The following HSD17B12 variants were observed in gnomAD, a reference collection of about 807,000 sequenced individuals.
HSD17B12 encodes the protein very-long-chain 3-oxoacyl-CoA reductase.
A neutral mutation model predicts 39.3 loss-of-function variants in HSD17B12; 32 were observed. That is an observed-to-expected ratio of 0.81 (90% confidence interval 0.61 to 1.09). HSD17B12 has a LOEUF of 1.09. Among genes scored for constraint, HSD17B12 ranks in the 50% least tolerant of loss-of-function variants. The probability of loss-of-function intolerance (pLI) is 0.00; values close to 1 mark genes in which losing one functional copy is unlikely to be tolerated. For synonymous variants in HSD17B12, 150 were observed against 146.7 expected, an observed-to-expected ratio of 1.02 and a Z score of -0.16; for missense variants, 342 against 382.9, an observed-to-expected ratio of 0.89 and a Z score of 0.89.
Position 43,831,066 on chromosome 11 carries a change from A to T in HSD17B12, c.536+56A>T. The T allele has an allele frequency of 6.7e-7, 1 of 1,494,064 alleles. No homozygotes were observed. Among genetic ancestry groups the T allele is most frequent in the Non-Finnish European group, 9.2e-7 (1 of 1,091,950 alleles). The allele number at this position is 1,494,064 out of a possible 1,614,324, so 92.6% of individuals were successfully genotyped here. A position where few individuals can be genotyped will look rare whatever the true frequency, so the allele number is the denominator to read the frequency against. ...GGAAGCAGAGCTCATGATTATTTAG[A>T]GGGAGAATCCTTGCTTTGAAAAAAT... On this transcript the variant is annotated intron_variant, in intron 7 of 10. Transcript: ENST00000278353. The surrounding 1 kb of genome is among the most constrained non-coding windows in gnomAD (Gnocchi z 4.1).
the HSD17B12 span, among the ~76,000 whole-genome samples, chr11:43,572,815 G>T: frequency 1.3e-5 from 2 of 152,188 alleles, no homozygotes; most frequent in African/African-American, 4.8e-5. Context: ...GGCCAAAATA[G>T]TTCTGCTCCC....
the HSD17B12 span, among the ~76,000 whole-genome samples, chr11:43,604,678 A>G: frequency 1.3e-5 from 2 of 152,204 alleles, no homozygotes; most frequent in African/African-American, 4.8e-5. Context: ...GATTCCACAC[A>G]AGTCCCTTGG....
the HSD17B12 span, among the ~76,000 whole-genome samples, chr11:43,582,168 G>A: frequency 6.6e-6 from 1 of 152,180 alleles, no homozygotes; most frequent in Non-Finnish European, 1.5e-5. Context: ...TCAAAACTAA[G>A]TAGCACGGAA....
intron 4 of HSD17B12, among the ~76,000 whole-genome samples, chr11:43,812,405 C>T (rs1028663833): frequency 2.6e-5 from 4 of 152,186 alleles, no homozygotes. Flanking sequence ...TTTTTAATAA[C>T]AGCTACTCTA....
At chr11:43,684,211 T>G (rs561486884) in intron 1 of HSD17B12, among the ~76,000 whole-genome samples, 11 of 152,342 alleles carry the variant, frequency 7.2e-5, no homozygotes, top group African/African-American at 2.6e-4. Flanking sequence ...TTAGCCAATT[T>G]AGTAAGTAAG....
At chr11:43,588,610 C>CTTATTATTAT in the HSD17B12 span, among the ~76,000 whole-genome samples, 42 of 144,982 alleles carry the variant, frequency 2.9e-4, no homozygotes, top group Non-Finnish European at 5.6e-4. Context: ...TTATTATTAG[C>CTTATTATTAT]TATTATTATT....
chr11:43,602,726 T>G, the HSD17B12 span, among the ~76,000 whole-genome samples: 1 of 152,000 alleles, frequency 6.6e-6, no homozygotes, highest in Admixed American at 6.5e-5. Flanking sequence ...GCTATTTGAA[T>G]TAATGTATGT....
the HSD17B12 span, among the ~76,000 whole-genome samples, chr11:43,600,780 C>T: frequency 4.0e-5 from 6 of 151,472 alleles, no homozygotes; most frequent in South Asian, 2.1e-4. Flanking sequence ...GAATGATTTG[C>T]GTTAATATAA....
At chr11:43,796,818 G>T (rs967048263) in intron 3 of HSD17B12, among the ~76,000 whole-genome samples, 13 of 143,988 alleles carry the variant, frequency 9.0e-5, no homozygotes, top group African/African-American at 3.3e-4. Flanking sequence ...TTTAATCAAA[G>T]GTATTTTTAA....
the HSD17B12 span, among the ~76,000 whole-genome samples, chr11:43,568,389 C>T: frequency 6.6e-6 from 1 of 152,122 alleles, no homozygotes; most frequent in Non-Finnish European, 1.5e-5. Context: ...AGGCGTGAGC[C>T]ACTGCACCCA....
chr11:43,680,958 G>A lies in HSD17B12; in HGVS notation c.131G>A (p.Gly44Glu). ...LRVWGVGNEAGVGPGLGEWAV... is the reference protein window; with the variant it reads ...LRVWGVGNEAEVGPGLGEWAV... ...GTCTGGGGAGTGGGGAATGAGGCGG[G>A]GGTCGGCCCGGGGCTCGGAGAATGG... Residue 44 changes from glycine (G) to glutamate (E), a missense_variant, in exon 1 of 11, where the codon GGG becomes GAG. Gly to Glu is a moderately conservative substitution (Grantham distance 98). Transcript: ENST00000278353. The A allele has an allele frequency of 8.1e-6, 13 of 1,608,358 alleles. No individual in the cohort carries two copies. Among genetic ancestry groups the A allele is most frequent in the Non-Finnish European group, 1.1e-5 (13 of 1,176,298 alleles).
intron 1 of HSD17B12, among the ~76,000 whole-genome samples, chr11:43,728,875 T>C (rs1276064313): frequency 6.6e-6 from 1 of 152,212 alleles, no homozygotes; most frequent in East Asian, 1.9e-4. Flanking sequence ...TGTGTTCTAT[T>C]GTACTGATAT....
chr11:43,729,417 A>T (rs1189695185), intron 1 of HSD17B12, among the ~76,000 whole-genome samples: 2 of 152,234 alleles, frequency 1.3e-5, no homozygotes, highest in African/African-American at 4.8e-5. Flanking sequence ...CAGCACAACT[A>T]TAACTTCAGG....
chr11:43,648,652 A>T, the HSD17B12 span, among the ~76,000 whole-genome samples: 37 of 152,294 alleles, frequency 2.4e-4, no homozygotes, highest in Middle Eastern at 3.4e-3. Flanking sequence ...ATCTAAAAAA[A>T]TTTTTTTTAT....
chr11:43,783,407 T>A (rs1378707438), intron 3 of HSD17B12, among the ~76,000 whole-genome samples: 6 of 152,056 alleles, frequency 3.9e-5, no homozygotes, highest in Non-Finnish European at 7.4e-5. Flanking sequence ...CTTTTTTTTT[T>A]TTTTTACTTT....
At chr11:43,557,560 G>A in the HSD17B12 span, among the ~76,000 whole-genome samples, 3 of 152,110 alleles carry the variant, frequency 2.0e-5, no homozygotes, top group African/African-American at 7.2e-5. Context: ...CCTTATTCGT[G>A]GGTAAAATGA....
chr11:43,713,967 TG>T (rs1950095923), intron 1 of HSD17B12, among the ~76,000 whole-genome samples: 1 of 152,154 alleles, frequency 6.6e-6, no homozygotes, highest in South Asian at 2.1e-4. Context: ...CACTTGTTGA[TG>T]GGGTTGCTTT....
chr11:43,646,710 T>G, the HSD17B12 span, among the ~76,000 whole-genome samples: 2 of 152,226 alleles, frequency 1.3e-5, no homozygotes, highest in African/African-American at 4.8e-5. Flanking sequence ...TCCAGACATT[T>G]GCCAGTAGTC....
the HSD17B12 span, among the ~76,000 whole-genome samples, chr11:43,650,390 G>A: frequency 7.9e-5 from 12 of 152,094 alleles, no homozygotes; most frequent in Non-Finnish European, 1.2e-4. Flanking sequence ...AGTAATTAGA[G>A]GAATTAAGAT....
Sources: gnomAD v4.1 joint callset for allele counts (sites outside exome capture counted in the v4.1 genomes callset) on GRCh38, gnomAD v4.1.1 for gene constraint, Gnocchi (gnomAD v3.1) non-coding constraint, MANE v1.5 for transcripts, NCBI Gene and HGNC (gene_info 2026-07-23, HGNC 2026-07-21) for gene names.